DDX54: variants seen among roughly 807,000 people sequenced by gnomAD.
DDX54 encodes the protein DEAD-box helicase 54.
Under a neutral mutation model 105.5 loss-of-function variants are expected in DDX54, and 67 were observed. The ratio of observed to expected loss-of-function variants is 0.64; its 90% CI spans 0.52 to 0.78. DDX54 has a LOEUF of 0.78. Ranked by LOEUF, DDX54 falls within the 30% of genes least tolerant of loss-of-function variation. The pLI is 0.00. For missense variants in DDX54, 1,206 were observed against 1,230.5 expected (o/e 0.98, Z 0.30); for synonymous variants, 514 against 509.9 (o/e 1.01, Z -0.11).
At chr12:113,167,803 T>C (rs1952293821) in intron 12 of DDX54, 2 of 318,516 alleles carry the variant, frequency 6.3e-6, no homozygotes, top group Non-Finnish European at 1.3e-5. Flanking sequence ...CCCACGCCCA[T>C]GCACAGCTCT....
chr12:113,163,530 G>A lies in DDX54; in HGVS notation c.1939-256C>T, dbSNP rs1451017142. Among the ~76,000 whole-genome samples the A allele has an allele frequency of 6.6e-6, 1 of 152,148 alleles. No homozygotes were observed. The highest frequency in any genetic ancestry group is 1.9e-4 in the East Asian group (1 of 5,196). On this transcript the variant is annotated intron_variant, in intron 15 of 19. Transcript: ENST00000306014. This position sits in a 1 kb window ranked among gnomAD's most constrained non-coding sequence, Gnocchi z 5.9. ...ACAGCTGGGTGAGGAGGAGAGTGCCGGCCGAGGGAGACCCAACTCCCCATT... is the reference window on the plus strand; with the variant it reads ...ACAGCTGGGTGAGGAGGAGAGTGCCAGCCGAGGGAGACCCAACTCCCCATT...
Position 113,159,088 on chromosome 12 carries a change from G to C in DDX54, c.2435C>G (p.Pro812Arg). 1 of 1,603,462 alleles carries C rather than the reference G, an allele frequency of 6.2e-7. No individual in the cohort carries two copies. Among genetic ancestry groups the C allele is most frequent in the Non-Finnish European group, 8.5e-7 (1 of 1,176,102 alleles). The part of the protein sequence containing the change: ...RGQGASRPHA[P>R]GTPAGRVRPE... ...GCGGACTCGGCCTGCAGGGGTGCCT[G>C]GGGCGTGGGGCCGGGATGCACCTGC... The change falls in exon 20 of 20, where the codon CCA becomes CGA. Residue 812 changes from proline to arginine, a missense_variant. Pro to Arg is a moderately radical substitution (Grantham distance 103). Around this residue, in one of 3 missense-constraint regions of DDX54, gnomAD observed 961 missense variants for 1,019.1 expected, o/e 0.94. Transcript: ENST00000306014.
intron 2 of DDX54, 83 bp from the exon 3 acceptor site, chr12:113,180,088 CT>C: frequency 1.6e-6 from 2 of 1,274,052 alleles, no homozygotes; most frequent in Non-Finnish European, 2.3e-6. Context: ...CAAATGACAG[CT>C]TCATCAACAA....
Position 113,163,003 on chromosome 12 carries a change from T to G in DDX54, c.2124A>C (p.Ala708=). The G allele has an allele frequency of 6.2e-7, 1 of 1,609,628 alleles. No homozygotes were observed. Among genetic ancestry groups the G allele is most frequent in the Non-Finnish European group, 8.5e-7 (1 of 1,179,802 alleles). Residue 708 remains alanine, a synonymous_variant, in exon 17 of 20, where the codon GCA becomes GCC. Transcript: ENST00000306014. This position sits in a 1 kb window ranked among gnomAD's most constrained non-coding sequence, Gnocchi z 5.9. The stretch of plus-strand genomic sequence containing the variant: ...CCATCAAGTCCAGGACAGCGCCAGC[T>G]GCCTGCTGCTCAAAGGCTCCCCCTT... ...SGEGGAFEQQ[A]AGAVLDLMGD... is the part of the protein sequence containing the mutation.
intron 19 of DDX54, among the ~76,000 whole-genome samples, chr12:113,159,746 C>T (rs907129367): frequency 7.2e-5 from 11 of 152,160 alleles, no homozygotes; most frequent in Admixed American, 1.3e-4. Flanking sequence ...GCAGCAGCAG[C>T]AGCAGAGGTC....
At chr12:113,181,087 C>T (rs1414231268) in intron 1 of DDX54, 29 bp from the exon 2 acceptor site, 1 of 1,599,004 alleles carries the variant, frequency 6.3e-7, no homozygotes, top group South Asian at 1.1e-5. Flanking sequence ...GAGGTGGTGT[C>T]ACTCCAGGCA....
intron 19 of DDX54, among the ~76,000 whole-genome samples, chr12:113,160,190 G>T (rs1414054159): frequency 6.6e-6 from 1 of 152,216 alleles, no homozygotes; most frequent in Non-Finnish European, 1.5e-5. Flanking sequence ...GAGAGCTGGA[G>T]AGGGAGGAGC....
chr12:113,172,982 A>T (rs141118979), intron 10 of DDX54, among the ~76,000 whole-genome samples: 117 of 152,336 alleles, frequency 7.7e-4, no homozygotes, highest in African/African-American at 2.6e-3. Context: ...ATGAGTCAGT[A>T]TATACAGTGC....
At chr12:113,180,043 T>A (rs774280083) in intron 2 of DDX54, 38 bp from the exon 3 acceptor site, 1 of 1,597,280 alleles carries the variant, frequency 6.3e-7, no homozygotes, top group Non-Finnish European at 8.6e-7. Context: ...GCCGAGGGAG[T>A]CCCCACAGCA....
At chr12:113,177,122 T>C (rs1952414090) in intron 5 of DDX54, 29 bp from the exon 6 acceptor site, 1 of 1,612,330 alleles carries the variant, frequency 6.2e-7, no homozygotes, top group Admixed American at 1.7e-5. Context: ...GTTAGCTTGA[T>C]AGAACAGGTC....
At chr12:113,162,848 T>G (rs1056296340) in intron 17 of DDX54, 84 bp downstream of exon 17, 1 of 1,356,492 alleles carries the variant, frequency 7.4e-7, no homozygotes, top group African/African-American at 1.5e-5. Flanking sequence ...GGCGGCTCAC[T>G]CGATCACTCA....
intron 14 of DDX54, among the ~76,000 whole-genome samples, chr12:113,165,246 A>C (rs936023336): frequency 6.6e-6 from 1 of 152,120 alleles, no homozygotes; most frequent in African/African-American, 2.4e-5. Context: ...TATGCACAAG[A>C]TGGGGTGCCT....
At chr12:113,172,326 C>G (rs1169122819) in intron 11 of DDX54, 27 bp downstream of exon 11, 1 of 1,605,780 alleles carries the variant, frequency 6.2e-7, no homozygotes, top group Admixed American at 1.7e-5. Context: ...CCCCTGCCTG[C>G]CCCAGGGCCA....
At chr12:113,171,616 G>A (rs903183306) in intron 11 of DDX54, among the ~76,000 whole-genome samples, 1 of 149,758 alleles carries the variant, frequency 6.7e-6, no homozygotes, top group Non-Finnish European at 1.5e-5. Context: ...AAAAAAAAAA[G>A]TTTTGGGGAC....
chr12:113,179,671 A>G lies in DDX54; in HGVS notation c.375+264T>C, dbSNP rs1952443186. Among the ~76,000 whole-genome samples, 3 of 152,124 alleles carry G rather than the reference A, an allele frequency of 2.0e-5. 1 individual carries two copies. The highest frequency in any genetic ancestry group is 4.4e-5 in the Non-Finnish European group (3 of 68,010). ...AGAATAATCACAAGCCCTGGGTGATAATATAGGTGGCTGGGAGCTGCCTGA... is the reference window on the plus strand; with the variant it reads ...AGAATAATCACAAGCCCTGGGTGATGATATAGGTGGCTGGGAGCTGCCTGA... On this transcript the variant is annotated intron_variant, in intron 3 of 19. Transcript: ENST00000306014.
intron 1 of DDX54, among the ~76,000 whole-genome samples, chr12:113,181,744 G>T (rs1593010133): frequency 6.7e-6 from 1 of 149,398 alleles, no homozygotes; most frequent in East Asian, 2.0e-4. Flanking sequence ...TCTGTCTCAT[G>T]CCTGGCCTCC....
At position 113,161,340 on chromosome 12, in the gene DDX54, G is replaced by A. The variant is rs368432107; in HGVS notation, c.2343C>T (p.Asp781=). The A allele has an allele frequency of 5.0e-6, 8 of 1,613,386 alleles. No individual in the cohort carries two copies. In the African/African-American group the frequency reaches 1.1e-4, roughly 22 times the overall value. Residue 781 remains aspartate, a synonymous_variant, in exon 19 of 20, where the codon GAC becomes GAT. Transcript: ENST00000306014. ...GGTCAGATGCCCCTTCTTCGTCCGA[G>A]TCACGATCATCAATTTTCTGTTTCT... ...WKQKQKIDDR[D]SDEEGASDRR...
intron 1 of DDX54, 80 bp from the exon 2 acceptor site, chr12:113,181,138 G>A: frequency 1.3e-6 from 2 of 1,488,128 alleles, no homozygotes; most frequent in Non-Finnish European, 1.8e-6. Context: ...CTGTGCTGTT[G>A]CCCTCTCTCC....
rs1856546235 is a variant in DDX54, at chr12:113,158,937, C to T, written c.2586G>A (p.Gln862=). Residue 862 remains glutamine (Q), a synonymous_variant, in exon 20 of 20, where the codon CAG becomes CAA. Coordinates refer to ENST00000306014, the MANE Select transcript of DDX54 (RefSeq NM_024072.4). The surrounding 1 kb of genome is among the most constrained non-coding windows in gnomAD (Gnocchi z 4.9). ...ARNRRRVQEL[Q]QGAFGRGARS... is the part of the protein sequence containing the mutation. ...GGGCACCCCGGCCGAAGGCGCCCTGCTGCAGCTCCTGGACGCGGCGGCGGT... is the reference window on the plus strand; with the variant it reads ...GGGCACCCCGGCCGAAGGCGCCCTGTTGCAGCTCCTGGACGCGGCGGCGGT... The T allele has an allele frequency of 1.2e-6, 2 of 1,610,186 alleles. No individual in the cohort carries two copies.
Sources: gnomAD v4.1 joint callset for allele counts (sites outside exome capture counted in the v4.1 genomes callset) on GRCh38, gnomAD v4.1.1 for gene constraint, gnomAD v4.1.1 regional missense constraint, Gnocchi (gnomAD v3.1) non-coding constraint, MANE v1.5 for transcripts, NCBI Gene and HGNC (gene_info 2026-07-23, HGNC 2026-07-21) for gene names.